Variants in TYW1 observed in about 807,000 individuals in gnomAD.
TYW1 encodes S-adenosyl-L-methionine-dependent tRNA 4-demethylwyosine synthase TYW1.
TYW1 carries 46 observed loss-of-function variants against 96.2 expected under a neutral mutation model. That is an observed-to-expected ratio of 0.48 (90% CI 0.38 to 0.61). TYW1 has a LOEUF of 0.61. Among genes scored for constraint, TYW1 ranks in the 20% least tolerant of loss-of-function variants. The pLI, the probability that TYW1 is intolerant of heterozygous loss-of-function variation, is 0.00. For missense variants in TYW1, 684 were observed against 909.6 expected (o/e 0.75, Z 3.19); for synonymous variants, 274 against 323.0 (o/e 0.85, Z 1.63).
At chr7:67,015,912 G>A (rs1224083651) in intron 5 of TYW1, among the ~76,000 whole-genome samples, 1 of 148,982 alleles carries the variant, frequency 6.7e-6, no homozygotes, top group Non-Finnish European at 1.5e-5. Context: ...GCAGTGAGCC[G>A]AGATCTCACC....
In TYW1 at chr7:67,205,851, C is replaced by G. The variant is rs2949112; in HGVS notation, c.1977+10514C>G. ...CCATTGGTGTTTCTGGCTTGCAGCC[C>G]AGTCCAGGATATCTGAGCCAAAAAT... On this transcript the variant is annotated intron_variant, in intron 15 of 15. Coordinates refer to ENST00000359626, the MANE Select transcript of TYW1 (RefSeq NM_018264.4). Among the ~76,000 whole-genome samples, 71 of 152,158 alleles carry G rather than the reference C, an allele frequency of 4.7e-4. 1 individual carries two copies. Among genetic ancestry groups the G allele is most frequent in the African/African-American group, 1.4e-3 (59 of 41,512 alleles).
At chr7:67,128,694 T>G (rs1001949307) in intron 13 of TYW1, among the ~76,000 whole-genome samples, 2 of 80,292 alleles carry the variant, frequency 2.5e-5, no homozygotes, top group African/African-American at 7.8e-5. Context: ...CTCAGTGTTT[T>G]TTTTTTTTTT....
intron 12 of TYW1, among the ~76,000 whole-genome samples, chr7:67,106,083 G>A (rs1398616065): frequency 2.0e-5 from 3 of 152,220 alleles, no homozygotes; most frequent in African/African-American, 7.2e-5. Flanking sequence ...TTTTAGTAGA[G>A]ACAGGGTTTC....
At chr7:67,029,415 G>GTATATATATATATATATATATA (rs55802244) in intron 7 of TYW1, among the ~76,000 whole-genome samples, 1 of 94,320 alleles carries the variant, frequency 1.1e-5, no homozygotes, top group African/African-American at 3.6e-5. Flanking sequence ...GTGTGTGTGT[G>GTATATATATATATATATATATA]TATATATATA....
intron 13 of TYW1, among the ~76,000 whole-genome samples, chr7:67,171,033 G>A (rs1279559080): frequency 6.6e-6 from 1 of 152,036 alleles, no homozygotes; most frequent in African/African-American, 2.4e-5. Flanking sequence ...CTGCTCTTAA[G>A]CTTTTATTTG....
At chr7:67,234,801 A>G (rs1419382281) in intron 15 of TYW1, among the ~76,000 whole-genome samples, 1 of 152,180 alleles carries the variant, frequency 6.6e-6, no homozygotes, top group Non-Finnish European at 1.5e-5. Flanking sequence ...ACACTGTATT[A>G]GAAGTGAGGA....
At chr7:67,075,322 G>A (rs1029907807) in intron 10 of TYW1, among the ~76,000 whole-genome samples, 9 of 152,006 alleles carry the variant, frequency 5.9e-5, no homozygotes, top group Non-Finnish European at 1.2e-4. Flanking sequence ...CTTGCTCCTG[G>A]GTTAGCCTGT....
intron 15 of TYW1, among the ~76,000 whole-genome samples, chr7:67,220,318 C>A (rs1272108782): frequency 6.6e-6 from 1 of 151,186 alleles, no homozygotes; most frequent in Non-Finnish European, 1.5e-5. Flanking sequence ...ATTCTCCTGC[C>A]TCAGCCTCCC....
chr7:67,093,283 G>T lies in TYW1; in HGVS notation c.1385-5258G>T, dbSNP rs375192224. Among the ~76,000 whole-genome samples the T allele has an allele frequency of 3.3e-5, 5 of 152,306 alleles. No homozygotes were observed. The East Asian group carries it at 7.7e-4, about 23-fold the overall frequency. ...GGCACCCCATTAAGTATTTCATGTA[G>T]CTTATTTCATTTAATTGTTATAATA... is the stretch of plus-strand genomic sequence containing the variant. On this transcript the variant is annotated intron_variant, in intron 11 of 15. Coordinates refer to ENST00000359626, the MANE Select transcript of TYW1 (RefSeq NM_018264.4).
At chr7:67,081,669 G>C (rs2711923) in intron 10 of TYW1, among the ~76,000 whole-genome samples, 36,717 of 150,742 alleles carry the variant, frequency 0.24, 4,757 homozygotes, top group African/African-American at 0.32. Flanking sequence ...TCCTCCTGCT[G>C]TTCCTCCTCC....
chr7:67,079,524 G>A (rs1182968957), intron 10 of TYW1, among the ~76,000 whole-genome samples: 4 of 150,188 alleles, frequency 2.7e-5, no homozygotes, highest in Non-Finnish European at 4.4e-5. Context: ...ATGGTTTGTC[G>A]ATGTTTATCT....
chr7:67,178,004 GAAAAA>G, intron 13 of TYW1, among the ~76,000 whole-genome samples: 1 of 124,880 alleles, frequency 8.0e-6, no homozygotes, highest in African/African-American at 3.0e-5. Context: ...AAAAAAAAAA[GAAAAA>G]AAAAAAAAGC....
intron 9 of TYW1, among the ~76,000 whole-genome samples, chr7:67,061,026 A>G (rs1195702432): frequency 6.6e-6 from 1 of 152,156 alleles, no homozygotes; most frequent in Non-Finnish European, 1.5e-5. Context: ...TCAGGAGTTC[A>G]AGACTAGCCT....
chr7:67,134,644 C>T (rs1798187029), intron 13 of TYW1, among the ~76,000 whole-genome samples: 1 of 151,824 alleles, frequency 6.6e-6, no homozygotes, highest in Non-Finnish European at 1.5e-5. Flanking sequence ...GAAAAAGTTT[C>T]TGCTAGGCCA....
In TYW1 at chr7:67,027,713, G is replaced by A. The variant is rs544341404; in HGVS notation, c.984+2691G>A. ...TGGGAGGTCGAGGCAGGCAGATCAC[G>A]AGGTCAGGTGATCGAGACCATCCTG... On this transcript the variant is annotated intron_variant, in intron 7 of 15. Coordinates refer to ENST00000359626, the MANE Select transcript of TYW1 (RefSeq NM_018264.4). Among the ~76,000 whole-genome samples the A allele has an allele frequency of 5.3e-5, 8 of 151,984 alleles. No individual in the cohort carries two copies. In the South Asian group the frequency reaches 1.2e-3, roughly 24 times the overall value.
chr7:67,197,546 G>A (rs940193386), intron 15 of TYW1, among the ~76,000 whole-genome samples: 9 of 152,124 alleles, frequency 5.9e-5, no homozygotes, highest in Non-Finnish European at 7.3e-5. Flanking sequence ...GGCTGGTTTC[G>A]ACCTCCTGAC....
At position 67,116,389 on chromosome 7, in the gene TYW1, C is replaced by G. The variant is rs1797595348; in HGVS notation, c.1563-1094C>G. On this transcript the variant is annotated intron_variant, in intron 12 of 15. Coordinates refer to ENST00000359626, the MANE Select transcript of TYW1 (RefSeq NM_018264.4). ...TAGTCTAGGTTTAATGTAGAACTTG[C>G]AAGAAATCTAGTAGGGTCGGGTGCA... Among the ~76,000 whole-genome samples the G allele has an allele frequency of 3.3e-5, 5 of 151,076 alleles. No homozygotes were observed. In the South Asian group the frequency reaches 1.0e-3, roughly 32 times the overall value.
intron 13 of TYW1, among the ~76,000 whole-genome samples, chr7:67,152,341 G>C (rs532911920): frequency 2.1e-4 from 32 of 152,108 alleles, no homozygotes; most frequent in Admixed American, 3.9e-4. Flanking sequence ...TGGCTTCCTC[G>C]TTCATCCTCC....
chr7:67,092,338 C>T (rs545572200), intron 11 of TYW1, among the ~76,000 whole-genome samples: 38 of 151,956 alleles, frequency 2.5e-4, no homozygotes, highest in African/African-American at 8.9e-4. Flanking sequence ...CTCCTTGCCC[C>T]TCTGTTCTCA....
Sources: allele counts gnomAD v4.1 joint callset (sites outside exome capture counted in the v4.1 genomes callset), GRCh38; gene constraint gnomAD v4.1.1; transcripts MANE v1.5; gene names NCBI Gene and HGNC (gene_info 2026-07-23, HGNC 2026-07-21).